ZMYM2: variants seen among roughly 807,000 people sequenced by gnomAD.
ZMYM2 encodes the protein zinc finger MYM-type protein 2.
Under a neutral mutation model 162.8 loss-of-function variants are expected in ZMYM2, and 56 were observed. The observed-to-expected ratio is 0.34, with a 90% CI of 0.28 to 0.43. The LOEUF (loss-of-function observed/expected upper bound fraction) is 0.43, where lower values mean the gene tolerates loss of function less well. Among genes scored for constraint, ZMYM2 ranks in the 20% least tolerant of loss-of-function variants. The pLI, the probability that ZMYM2 is intolerant of heterozygous loss-of-function variation, is 1.00. For missense variants in ZMYM2, 1,275 were observed against 1,621.8 expected (o/e 0.79, Z 3.67); for synonymous variants, 510 against 541.6 (o/e 0.94, Z 0.81).
chr13:20,030,546 C>G (rs1039792414), intron 9 of ZMYM2, among the ~76,000 whole-genome samples: 2 of 152,148 alleles, frequency 1.3e-5, no homozygotes, highest in South Asian at 2.1e-4. Flanking sequence ...CTACAGGCAC[C>G]TGCCACCACC....
In ZMYM2 at chr13:20,016,049, AT is replaced by A. The variant is rs572072476; in HGVS notation, c.1513-3490del. Among the ~76,000 whole-genome samples, 364 of 150,282 alleles carry A rather than the reference AT, an allele frequency of 2.4e-3. 5 individuals are homozygous for A. Among genetic ancestry groups the A allele is most frequent in the African/African-American group, 7.5e-3 (309 of 40,966 alleles). On this transcript the variant is annotated intron_variant, in intron 6 of 24. Transcript: ENST00000610343. ...AAGGATTTATTTCTGCCATTTTTCT[AT>A]TTTTTTTCGGTATATTCTATACCTT...
chr13:20,037,459 G>C (rs1473976544), intron 12 of ZMYM2, among the ~76,000 whole-genome samples: 2 of 151,966 alleles, frequency 1.3e-5, no homozygotes, highest in Admixed American at 6.6e-5. Context: ...CAGGTGATCT[G>C]CCCGCCTCAG....
At chr13:20,005,393 C>CATAGGATCTTATCTT (rs560908768) in intron 5 of ZMYM2, among the ~76,000 whole-genome samples, 154 bp downstream of exon 5, 2,078 of 152,124 alleles carry the variant, frequency 0.014, 39 homozygotes, top group African/African-American at 0.047. Flanking sequence ...CTGATTCTCC[C>CATAGGATCTTATCTT]ATAGGATCTT....
intron 17 of ZMYM2, 49 bp from the exon 18 acceptor site, chr13:20,062,797 A>G (rs1566430355): frequency 1.3e-6 from 2 of 1,489,762 alleles, no homozygotes; most frequent in Non-Finnish European, 1.8e-6. Flanking sequence ...TACAGATACC[A>G]TTGGGGTTTT....
At chr13:19,948,261 G>A in the ZMYM2 span, among the ~76,000 whole-genome samples, 4 of 152,092 alleles carry the variant, frequency 2.6e-5, no homozygotes, top group Non-Finnish European at 5.9e-5. Flanking sequence ...TTGCCCAAAC[G>A]AGTTGAAAAG....
At chr13:20,079,316 C>CA (rs1158594782) in intron 21 of ZMYM2, among the ~76,000 whole-genome samples, 868 of 23,112 alleles carry the variant, frequency 0.038, 179 homozygotes, top group African/African-American at 0.17. Context: ...GACTCTGTCT[C>CA]AAAAAAAAAA....
chr13:19,875,955 C>G, the ZMYM2 span, among the ~76,000 whole-genome samples: 2 of 151,940 alleles, frequency 1.3e-5, no homozygotes, highest in East Asian at 1.9e-4. Context: ...ATGAAACAAA[C>G]CTAAACATGT....
intron 7 of ZMYM2, among the ~76,000 whole-genome samples, chr13:20,021,002 G>T (rs1187274301): frequency 6.7e-6 from 1 of 149,180 alleles, no homozygotes; most frequent in Non-Finnish European, 1.5e-5. Context: ...TTGAGATGGA[G>T]CCTTGCTCTG....
chr13:19,923,028 A>C, the ZMYM2 span, among the ~76,000 whole-genome samples: 1 of 149,460 alleles, frequency 6.7e-6, no homozygotes, highest in Non-Finnish European at 1.5e-5. Context: ...ATCTCAAAAA[A>C]AAAAAAAAAA....
At chr13:19,936,213 C>G in the ZMYM2 span, among the ~76,000 whole-genome samples, 5 of 152,124 alleles carry the variant, frequency 3.3e-5, no homozygotes, top group Non-Finnish European at 5.9e-5. Flanking sequence ...TCATTTCAGA[C>G]TTTTCCAGAA....
chr13:19,874,346 A>T, the ZMYM2 span, among the ~76,000 whole-genome samples: 1 of 152,120 alleles, frequency 6.6e-6, no homozygotes, highest in Non-Finnish European at 1.5e-5. Flanking sequence ...CAGTCTTCTA[A>T]GTGGCTGGGA....
rs1956749171 is a variant in ZMYM2, at chr13:20,067,221, T to C, written c.3302-18T>C. The C allele has an allele frequency of 6.6e-7, 1 of 1,516,806 alleles. No individual in the cohort carries two copies. Among genetic ancestry groups the C allele is most frequent in the African/African-American group, 1.4e-5 (1 of 72,018 alleles). The allele number at this position is 1,516,806 out of a possible 1,614,324, so 94.0% of individuals were successfully genotyped here. The stretch of plus-strand genomic sequence containing the variant: ...ACGCTAAATAATAACAATTATTTTT[T>C]ATTTTATGTATTTTTAGCTAAATCA... On this transcript the variant is annotated intron_variant, in intron 20 of 24. Coordinates refer to ENST00000610343, the MANE Select transcript of ZMYM2 (RefSeq NM_197968.4).
chr13:20,034,231 C>G (rs1405713613), intron 10 of ZMYM2, 23 bp from the exon 11 acceptor site: 2 of 1,311,864 alleles, frequency 1.5e-6, no homozygotes, highest in Non-Finnish European at 2.0e-6. Context: ...ATATACTTAC[C>G]AAGGTTCCCA....
At chr13:19,920,885 C>A in the ZMYM2 span, among the ~76,000 whole-genome samples, 1 of 151,788 alleles carries the variant, frequency 6.6e-6, no homozygotes, top group Admixed American at 6.6e-5. Flanking sequence ...GCCTCAGCCT[C>A]CCGAGTAGCT....
chr13:20,028,604 G>A (rs1300435798), intron 9 of ZMYM2, among the ~76,000 whole-genome samples: 1 of 152,056 alleles, frequency 6.6e-6, no homozygotes, highest in East Asian at 1.9e-4. Flanking sequence ...TAAAATTCCA[G>A]GATGCCCAAA....
chr13:20,036,692 T>G (rs1417407072), intron 11 of ZMYM2, 45 bp from the exon 12 acceptor site: 1 of 1,404,782 alleles, frequency 7.1e-7, no homozygotes, highest in South Asian at 1.7e-5. Context: ...ATAATTAGTT[T>G]TCATGTGTTT....
At chr13:20,052,742 G>T (rs892383441) in intron 14 of ZMYM2, among the ~76,000 whole-genome samples, 1 of 152,168 alleles carries the variant, frequency 6.6e-6, no homozygotes, top group African/African-American at 2.4e-5. Flanking sequence ...TGCCAGATAG[G>T]CATGAAAAGT....
chr13:19,978,367 T>G (rs1291728180), intron 2 of ZMYM2, among the ~76,000 whole-genome samples: 1 of 152,156 alleles, frequency 6.6e-6, no homozygotes, highest in Non-Finnish European at 1.5e-5. Context: ...TGTCATAGAT[T>G]ACATCTGTAT....
upstream of ZMYM2, among the ~76,000 whole-genome samples, chr13:19,955,648 G>C (rs577582339): frequency 6.6e-6 from 1 of 152,112 alleles, no homozygotes; most frequent in African/African-American, 2.4e-5. Context: ...TTGAGATGGA[G>C]TCTTGCTCTG....
Sources: gnomAD v4.1 joint callset for allele counts (sites outside exome capture counted in the v4.1 genomes callset) on GRCh38, gnomAD v4.1.1 for gene constraint, MANE v1.5 for transcripts, NCBI Gene and HGNC (gene_info 2026-07-23, HGNC 2026-07-21) for gene names.